The following NBEAL1 variants were observed in gnomAD, a reference collection of about 807,000 sequenced individuals.
The protein encoded by NBEAL1 is neurobeachin like 1, also known as neurobeachin-like protein 1.
A neutral mutation model predicts 351.3 loss-of-function variants in NBEAL1; 273 were observed. The ratio of observed to expected loss-of-function variants is 0.78; its 90% CI spans 0.70 to 0.86. The LOEUF is 0.86. Among genes scored for constraint, NBEAL1 ranks in the 40% least tolerant of loss-of-function variants. NBEAL1 has a pLI of 0.00. For synonymous variants in NBEAL1, 1,050 were observed against 1,086.4 expected (o/e 0.97, Z 0.66); for missense variants, 2,961 against 3,201.3 (o/e 0.92, Z 1.81).
rs182013027 is a variant in NBEAL1 at position 203,174,128 on chromosome 2, C to T, written c.6324-1019C>T. Among the ~76,000 whole-genome samples the T allele has an allele frequency of 2.5e-3, 357 of 142,954 alleles. 4 individuals carry two copies. The highest frequency in any genetic ancestry group is 3.8e-3 in the Middle Eastern group (1 of 262). The allele number at this position is 142,954 out of a possible 152,430, so 93.8% of individuals were successfully genotyped here. ...CTTTAGATTTCTAGGTATCAATTTT[C>T]ACAATTCTTGACTGGTTCTTCCTTT... is the stretch of plus-strand genomic sequence containing the variant. On this transcript the variant is annotated intron_variant, in intron 41 of 55. Coordinates refer to ENST00000683969, the MANE Select transcript of NBEAL1 (RefSeq NM_001378026.1).
chr2:203,060,570 T>C (rs1442010985), intron 6 of NBEAL1, among the ~76,000 whole-genome samples: 2 of 152,170 alleles, frequency 1.3e-5, no homozygotes, highest in Non-Finnish European at 2.9e-5. Context: ...GAGAAGAATT[T>C]TACTAATTTA....
At chr2:203,197,862 T>C (rs996004713) in intron 48 of NBEAL1, among the ~76,000 whole-genome samples, 5 of 151,930 alleles carry the variant, frequency 3.3e-5, no homozygotes, top group Admixed American at 6.6e-5. Context: ...TGAGCCAAGA[T>C]CGCGCCACTG....
At chr2:203,050,000 G>T in intron 4 of NBEAL1, 25 bp downstream of exon 4, 1 of 1,547,020 alleles carries the variant, frequency 6.5e-7, no homozygotes, top group Non-Finnish European at 8.7e-7. Context: ...AAATAAGCTA[G>T]TTTTCACTCA....
At chr2:203,063,895 C>A (rs1470626059) in intron 6 of NBEAL1, among the ~76,000 whole-genome samples, 1 of 152,016 alleles carries the variant, frequency 6.6e-6, no homozygotes, top group Admixed American at 6.6e-5. Context: ...CAGTAAAATT[C>A]CAAGTGCCAA....
rs984191663 is a variant in NBEAL1, at chr2:203,221,931, A to G, written c.*4577A>G. ...AGGCCAAGCATGGTGGCTCATGCCTATAATCTCAGCACTTTAGGAGGCTGA... is the reference window on the plus strand; with the variant it reads ...AGGCCAAGCATGGTGGCTCATGCCTGTAATCTCAGCACTTTAGGAGGCTGA... On this transcript the variant is annotated 3_prime_UTR_variant, in exon 56 of 56. Coordinates refer to ENST00000683969, the MANE Select transcript of NBEAL1 (RefSeq NM_001378026.1). Among the ~76,000 whole-genome samples, 2 of 152,156 alleles carry G rather than the reference A, an allele frequency of 1.3e-5. No homozygotes were observed. Among genetic ancestry groups the G allele is most frequent in the Non-Finnish European group, 2.9e-5 (2 of 68,028 alleles).
Position 203,122,243 on chromosome 2 carries a change from T to G in NBEAL1, c.2593-11T>G. On this transcript the variant is annotated splice_polypyrimidine_tract_variant and intron_variant, in intron 18 of 55. Transcript: ENST00000683969. ...AATTGGTTGTTTGCCATATTTTTCT[T>G]TTATTCTTAGGCCTGCAAAAATTCA... 1.3e-6 allele frequency: 2 copies of G among 1,492,452 alleles called. No homozygotes were observed. Among genetic ancestry groups the G allele is most frequent in the Non-Finnish European group, 1.8e-6 (2 of 1,113,360 alleles). 92.5% of individuals were successfully genotyped at this position (1,492,452 alleles called of 1,614,324 possible).
chr2:203,126,329 C>G (rs1307403054), intron 21 of NBEAL1, among the ~76,000 whole-genome samples: 2 of 151,984 alleles, frequency 1.3e-5, no homozygotes, highest in Non-Finnish European at 2.9e-5. Flanking sequence ...TGTTTGATAG[C>G]TTTGATATTT....
chr2:203,177,734 A>G (rs1257452756), intron 42 of NBEAL1, among the ~76,000 whole-genome samples: 1 of 152,066 alleles, frequency 6.6e-6, no homozygotes, highest in Non-Finnish European at 1.5e-5. Flanking sequence ...TTAAATATAG[A>G]GGGGCTGGGT....
chr2:203,093,718 G>A (rs1023940732), intron 10 of NBEAL1, among the ~76,000 whole-genome samples: 1 of 152,152 alleles, frequency 6.6e-6, no homozygotes, highest in Non-Finnish European at 1.5e-5. Context: ...GCTGGGCATG[G>A]TGGCACACCT....
rs866639647 is a variant in NBEAL1, at chr2:203,057,398, G to A, written c.460G>A (p.Ala154Thr). Reference sequence around the variant, plus strand: ...TGAAGAATTTGTGATCCACGCATTGGCATTTTGTGAAAGCTTATATGATCC... The same window carrying A: ...TGAAGAATTTGTGATCCACGCATTGACATTTTGTGAAAGCTTATATGATCC... ...CIEEFVIHAL[A>T]FCESLYDPYR... The change falls in exon 6 of 56, where the codon GCA becomes ACA. Residue 154 changes from alanine to threonine, a missense_variant. Coordinates refer to ENST00000683969, the MANE Select transcript of NBEAL1 (RefSeq NM_001378026.1). 6.4e-7 allele frequency: 1 copy of A among 1,552,672 alleles called. No individual in the cohort carries two copies. The highest frequency in any genetic ancestry group is 8.7e-7 in the Non-Finnish European group (1 of 1,146,558).
Position 203,098,555 on chromosome 2 carries a change from T to G in NBEAL1, c.1185+922T>G, listed in dbSNP as rs893885377. 2.0e-5 allele frequency among the ~76,000 whole-genome samples: 3 copies of G among 152,198 alleles called. No homozygotes were observed. The South Asian group carries it at 6.2e-4, about 31-fold the overall frequency. On this transcript the variant is annotated intron_variant, in intron 11 of 55. Transcript: ENST00000683969. Reference sequence around the variant, plus strand: ...CTTTCATGATTGTCTAAGCCTGATATAACAGTCATGTTCAGTTTTTTAATA... The same window carrying G: ...CTTTCATGATTGTCTAAGCCTGATAGAACAGTCATGTTCAGTTTTTTAATA...
chr2:203,138,471 T>C (rs2063278838), intron 30 of NBEAL1, 149 bp from the exon 31 acceptor site: 3 of 1,009,692 alleles, frequency 3.0e-6, no homozygotes, highest in Admixed American at 6.0e-5. Flanking sequence ...TGTTAGCTAT[T>C]ACTAGGATGA....
At chr2:203,122,625 G>A (rs904436112) in intron 19 of NBEAL1, among the ~76,000 whole-genome samples, 1 of 152,148 alleles carries the variant, frequency 6.6e-6, no homozygotes, top group African/African-American at 2.4e-5. Context: ...CCTGGCAGGG[G>A]CAACTGTCTG....
intron 51 of NBEAL1, among the ~76,000 whole-genome samples, chr2:203,205,749 A>G (rs1330786287): frequency 7.9e-5 from 12 of 152,204 alleles, no homozygotes; most frequent in African/African-American, 2.4e-4. Context: ...GGGATATGCA[A>G]TCTTTACCAA....
Position 203,108,116 on chromosome 2 carries a change from G to C in NBEAL1, c.1877G>C (p.Trp626Ser), listed in dbSNP as rs2062477000. The C allele has an allele frequency of 6.4e-7, 1 of 1,551,940 alleles. No individual in the cohort carries two copies. Residue 626 changes from tryptophan to serine, a missense_variant, in exon 14 of 56, where the codon TGG becomes TCG. By Grantham distance (177) the Trp-to-Ser change is radical. Coordinates refer to ENST00000683969, the MANE Select transcript of NBEAL1 (RefSeq NM_001378026.1). ...GGGTCTGCCTTTTCTTTCAGTGCTT[G>C]GTTTTGCTTAGACCAGGATCAGTTG... ...WPGSAFSFSAWFCLDQDQLTL... is the reference protein window; with the variant it reads ...WPGSAFSFSASFCLDQDQLTL...
At chr2:203,206,396 C>T (rs2065559239) in intron 51 of NBEAL1, among the ~76,000 whole-genome samples, 1 of 152,056 alleles carries the variant, frequency 6.6e-6, no homozygotes. Flanking sequence ...CCCTCTCCCT[C>T]TCTCCCTCTG....
chr2:203,176,470 A>G (rs1323328249), intron 42 of NBEAL1, among the ~76,000 whole-genome samples: 3 of 152,080 alleles, frequency 2.0e-5, no homozygotes, highest in Non-Finnish European at 4.4e-5. Context: ...CACACCTCTA[A>G]TCCCAGCACT....
intron 44 of NBEAL1, among the ~76,000 whole-genome samples, chr2:203,185,685 G>A (rs1206183499): frequency 1.3e-5 from 2 of 152,134 alleles, no homozygotes; most frequent in African/African-American, 2.4e-5. Context: ...AAGCTGCATC[G>A]AAACGGTAGG....
intron 2 of NBEAL1, among the ~76,000 whole-genome samples, chr2:203,030,713 G>A (rs1229948841): frequency 6.6e-6 from 1 of 152,126 alleles, no homozygotes; most frequent in Non-Finnish European, 1.5e-5. Context: ...TTCATATGTT[G>A]ATATTAGAAG....
Sources: allele counts gnomAD v4.1 joint callset (sites outside exome capture counted in the v4.1 genomes callset), GRCh38; gene constraint gnomAD v4.1.1; transcripts MANE v1.5; gene names NCBI Gene and HGNC (gene_info 2026-07-23, HGNC 2026-07-21).